Variants in DIP2A observed in about 807,000 individuals in gnomAD.
DIP2A encodes DIP2 acetate--CoA ligase A.
Under a neutral mutation model 177.4 loss-of-function variants are expected in DIP2A, and 85 were observed. The observed-to-expected ratio is 0.48, with a 90% confidence interval of 0.40 to 0.57. The LOEUF (loss-of-function observed/expected upper bound fraction) is 0.57, where lower values mean the gene tolerates loss of function less well. Ranked by LOEUF, DIP2A falls within the 20% of genes least tolerant of loss-of-function variation. DIP2A has a pLI of 0.00. For missense variants in DIP2A, 1,791 were observed against 2,100.2 expected (o/e 0.85, Z 2.88); for synonymous variants, 886 against 881.8 (o/e 1.00, Z -0.08).
At chr21:46,522,001 G>T (rs2058844685) in intron 8 of DIP2A, among the ~76,000 whole-genome samples, 1 of 152,150 alleles carries the variant, frequency 6.6e-6, no homozygotes, top group South Asian at 2.1e-4. Flanking sequence ...ATAGTCTCAA[G>T]TGCATGTTAC....
At chr21:46,543,654 G>A (rs1343826292) in intron 18 of DIP2A, among the ~76,000 whole-genome samples, 2 of 151,516 alleles carry the variant, frequency 1.3e-5, no homozygotes, top group Non-Finnish European at 3.0e-5. Context: ...CGGGTGATTT[G>A]TTTGCAGCAG....
chr21:46,507,155 T>A (rs944323465), intron 6 of DIP2A, among the ~76,000 whole-genome samples: 64 of 152,300 alleles, frequency 4.2e-4, no homozygotes, highest in Admixed American at 4.0e-3. Context: ...GTTTATCATT[T>A]GTATTTTCTC....
chr21:46,582,044 A>G, the DIP2A span, among the ~76,000 whole-genome samples: 1 of 152,206 alleles, frequency 6.6e-6, no homozygotes, highest in Non-Finnish European at 1.5e-5. Flanking sequence ...CAGGCAGGAA[A>G]GATTATGTCT....
chr21:46,545,313 G>A, intron 19 of DIP2A, 40 bp downstream of exon 19: 1 of 1,573,394 alleles, frequency 6.4e-7, no homozygotes. Context: ...AAGTTAAGTT[G>A]CATGAGCACT....
Position 46,567,782 on chromosome 21 carries a change from C to T in DIP2A, c.*160C>T. The T allele has an allele frequency of 5.0e-6, 4 of 802,416 alleles. No homozygotes were observed. Among genetic ancestry groups the T allele is most frequent in the Non-Finnish European group, 7.2e-6 (4 of 559,174 alleles). 49.7% of individuals were successfully genotyped at this position (802,416 alleles called of 1,614,324 possible). On this transcript the variant is annotated 3_prime_UTR_variant, in exon 38 of 38. Coordinates refer to ENST00000417564, the MANE Select transcript of DIP2A (RefSeq NM_015151.4). The stretch of plus-strand genomic sequence containing the variant: ...CGCATCTCCTTTTAGAAAGCACTTC[C>T]TGAATTATTTAAAGAAATATTTTGA...
chr21:46,515,541 T>G (rs2058533963), intron 8 of DIP2A, among the ~76,000 whole-genome samples: 1 of 152,042 alleles, frequency 6.6e-6, no homozygotes, highest in Non-Finnish European at 1.5e-5. Flanking sequence ...TTGTGTGTAT[T>G]TATTTATTTT....
At chr21:46,459,763 T>G (rs2054135889) in intron 1 of DIP2A, among the ~76,000 whole-genome samples, 2 of 149,516 alleles carry the variant, frequency 1.3e-5, no homozygotes, top group Non-Finnish European at 1.5e-5. Context: ...GGACCCTTAC[T>G]CCTCACCCCG....
chr21:46,474,186 C>T (rs2055645395), intron 1 of DIP2A, among the ~76,000 whole-genome samples: 1 of 152,142 alleles, frequency 6.6e-6, no homozygotes, highest in Non-Finnish European at 1.5e-5. Context: ...GTTTCTGAAA[C>T]ACCTGTCTGG....
chr21:46,503,571 T>TTC lies in DIP2A; in HGVS notation c.656-790_656-789insTC, dbSNP rs2057778973. ...TTGTTTCTGCTTCCTTGAGGGAATT[T>TTC]CTTCCTTCCTTCCTTCCTTCCTTCC... On this transcript the variant is annotated intron_variant, in intron 5 of 37. Transcript: ENST00000417564. Among the ~76,000 whole-genome samples the TTC allele has an allele frequency of 2.9e-4, 24 of 83,744 alleles. 1 individual carries two copies. Among genetic ancestry groups the TTC allele is most frequent in the African/African-American group, 7.5e-4 (16 of 21,452 alleles). The allele number at this position is 83,744 out of a possible 152,430, so 54.9% of individuals were successfully genotyped here.
intron 2 of DIP2A, among the ~76,000 whole-genome samples, chr21:46,487,261 G>T (rs933742314): frequency 3.9e-5 from 6 of 152,214 alleles, no homozygotes; most frequent in Non-Finnish European, 5.9e-5. Context: ...ACAACAAGAA[G>T]ATTGACGAGG....
intron 1 of DIP2A, among the ~76,000 whole-genome samples, chr21:46,470,585 A>G (rs1568910538): frequency 6.6e-6 from 1 of 152,034 alleles, no homozygotes; most frequent in South Asian, 2.1e-4. Flanking sequence ...AGCCTGACCA[A>G]TATGGTGAAA....
intron 1 of DIP2A, among the ~76,000 whole-genome samples, chr21:46,481,026 T>G (rs2056308582): frequency 6.6e-6 from 1 of 152,178 alleles, no homozygotes; most frequent in South Asian, 2.1e-4. Flanking sequence ...GCCACTGCAC[T>G]CCAGCCTAGG....
At chr21:46,532,306 C>T in intron 10 of DIP2A, 69 bp downstream of exon 10, 1 of 1,298,308 alleles carries the variant, frequency 7.7e-7, no homozygotes, top group Non-Finnish European at 1.1e-6. Context: ...ATCTTACTTC[C>T]TTTTCACTCA....
intron 9 of DIP2A, among the ~76,000 whole-genome samples, chr21:46,531,627 G>A (rs190445102): frequency 4.6e-5 from 7 of 152,282 alleles, no homozygotes; most frequent in Admixed American, 1.3e-4. Context: ...AAATGGACAA[G>A]GTCACAGTGA....
intron 3 of DIP2A, among the ~76,000 whole-genome samples, chr21:46,491,218 A>C (rs966400431): frequency 1.3e-5 from 2 of 152,150 alleles, no homozygotes; most frequent in Admixed American, 1.3e-4. Flanking sequence ...TAGAATGGCC[A>C]TTGAAAAAAA....
rs2054029019 is a variant in DIP2A, at chr21:46,459,039, T to C, written c.-93T>C. ...TCCTCGCCTGGCGGATGTAGGTTGTTGGCCTGAGGGGAGCTACGTAGCCGA... is the reference window on the plus strand; with the variant it reads ...TCCTCGCCTGGCGGATGTAGGTTGTCGGCCTGAGGGGAGCTACGTAGCCGA... On this transcript the variant is annotated 5_prime_UTR_variant, in exon 1 of 38. Transcript: ENST00000417564. 1.9e-6 allele frequency: 2 copies of C among 1,072,056 alleles called. No individual in the cohort carries two copies. The highest frequency in any genetic ancestry group is 2.5e-6 in the Non-Finnish European group (2 of 800,406). 66.4% of individuals were successfully genotyped at this position (1,072,056 alleles called of 1,614,324 possible).
intron 16 of DIP2A, 94 bp downstream of exon 16, chr21:46,538,696 T>G: frequency 6.8e-7 from 1 of 1,479,758 alleles, no homozygotes; most frequent in Non-Finnish European, 9.0e-7. Context: ...GGAGGCATTT[T>G]CACTGCCATT....
At chr21:46,505,336 C>T (rs982731452) in intron 6 of DIP2A, among the ~76,000 whole-genome samples, 4 of 152,032 alleles carry the variant, frequency 2.6e-5, no homozygotes, top group Non-Finnish European at 2.9e-5. Flanking sequence ...CGGCTGGGCG[C>T]GGTGGCTCAC....
At chr21:46,504,701 G>C (rs1171495834) in intron 6 of DIP2A, among the ~76,000 whole-genome samples, 1 of 152,196 alleles carries the variant, frequency 6.6e-6, no homozygotes, top group African/African-American at 2.4e-5. Flanking sequence ...TTGGTCAGAG[G>C]GGAAACGAGG....
Sources: gnomAD v4.1 joint callset for allele counts (sites outside exome capture counted in the v4.1 genomes callset) on GRCh38, gnomAD v4.1.1 for gene constraint, MANE v1.5 for transcripts, NCBI Gene and HGNC (gene_info 2026-07-23, HGNC 2026-07-21) for gene names.